The following ARHGEF7 variants were observed in gnomAD, a reference collection of about 807,000 sequenced individuals.
The protein encoded by ARHGEF7 is Rho guanine nucleotide exchange factor 7, also known as PAK-interacting exchange factor beta.
ARHGEF7 carries 33 observed loss-of-function variants against 109.8 expected under a neutral mutation model. The ratio of observed to expected loss-of-function variants is 0.30; its 90% CI spans 0.23 to 0.40. The LOEUF (loss-of-function observed/expected upper bound fraction) is 0.40. Ranked by LOEUF, ARHGEF7 falls within the 10% of genes least tolerant of loss-of-function variation. The probability of loss-of-function intolerance (pLI) is 1.00; values close to 1 mark genes in which losing one functional copy is unlikely to be tolerated. For missense variants in ARHGEF7, 938 were observed against 1,098.5 expected (o/e 0.85, Z 2.07); for synonymous variants, 458 against 424.6 (o/e 1.08, Z -0.97).
At chr13:111,154,731 C>A (rs1431457407) in intron 2 of ARHGEF7, among the ~76,000 whole-genome samples, 5 of 152,112 alleles carry the variant, frequency 3.3e-5, no homozygotes. Flanking sequence ...TTTGCTATTG[C>A]GATTCTTCCT....
chr13:111,120,341 A>G (rs2067097243), intron 1 of ARHGEF7, among the ~76,000 whole-genome samples: 1 of 152,266 alleles, frequency 6.6e-6, no homozygotes, highest in South Asian at 2.1e-4. Context: ...ACACAGACAC[A>G]GGAGAGCACA....
chr13:111,280,553 G>C lies in ARHGEF7; in HGVS notation c.1601G>C (p.Arg534Pro). 1 of 1,606,522 alleles carries C rather than the reference G, an allele frequency of 6.2e-7. No homozygotes were observed. Among genetic ancestry groups the C allele is most frequent in the East Asian group, 2.2e-5 (1 of 44,820 alleles). ...TCTCCTATAGGGAGCATGATTGAGCGGATATTAGTGTCGTGCAACAACCAG... is the reference window on the plus strand; with the variant it reads ...TCTCCTATAGGGAGCATGATTGAGCCGATATTAGTGTCGTGCAACAACCAG... Reference protein sequence around the residue: ...AFEISGSMIERILVSCNNQQD... With the variant: ...AFEISGSMIEPILVSCNNQQD... Residue 534 changes from arginine to proline, a missense_variant, in exon 15 of 22, where the codon CGG (arginine) becomes CCG (proline). Transcript: ENST00000646102.
chr13:111,144,483 C>A (rs767734459), intron 1 of ARHGEF7: 2 of 152,278 alleles, frequency 1.3e-5, no homozygotes, highest in East Asian at 1.9e-4. Context: ...TCCAAGTTAG[C>A]TCCACTGACC....
At chr13:111,126,185 G>T (rs2153331457) in intron 1 of ARHGEF7, among the ~76,000 whole-genome samples, 1 of 152,296 alleles carries the variant, frequency 6.6e-6, no homozygotes, top group Admixed American at 6.5e-5. Flanking sequence ...AAGGATTTTT[G>T]TTTCTTTTGA....
chr13:111,296,598 T>G (rs756032191), intron 19 of ARHGEF7, among the ~76,000 whole-genome samples: 1 of 152,266 alleles, frequency 6.6e-6, no homozygotes, highest in Non-Finnish European at 1.5e-5. Context: ...CCAGCTGTTT[T>G]GTGTATGTGG....
chr13:111,295,857 A>T (rs574079264), intron 19 of ARHGEF7, among the ~76,000 whole-genome samples: 18 of 152,348 alleles, frequency 1.2e-4, no homozygotes, highest in African/African-American at 3.8e-4. Flanking sequence ...TTTAGAAAAG[A>T]TAATGAATTT....
At chr13:111,240,536 T>TTCCTCC (rs200010067) in intron 6 of ARHGEF7, among the ~76,000 whole-genome samples, 39 of 152,104 alleles carry the variant, frequency 2.6e-4, no homozygotes, top group Non-Finnish European at 5.1e-4. Context: ...TCAACACTCC[T>TTCCTCC]TCCTCCTCCT....
At chr13:111,237,999 A>C (rs958346532) in intron 6 of ARHGEF7, among the ~76,000 whole-genome samples, 1 of 152,216 alleles carries the variant, frequency 6.6e-6, no homozygotes, top group Non-Finnish European at 1.5e-5. Flanking sequence ...GGAACATGGC[A>C]GGCACACAGG....
In ARHGEF7 at chr13:111,239,083, C is replaced by T. The variant is rs2087296278; in HGVS notation, c.760-4789C>T. Among the ~76,000 whole-genome samples the T allele has an allele frequency of 6.6e-6, 1 of 152,116 alleles. No individual in the cohort carries two copies. The highest frequency in any genetic ancestry group is 2.4e-5 in the African/African-American group (1 of 41,422). ...ATAAAACCATCAGATCTTGTGAGAA[C>T]TCACCATGAGAACAGCATAGGGGAA... On this transcript the variant is annotated intron_variant, in intron 6 of 21. Transcript: ENST00000646102. This position sits in a 1 kb window ranked among gnomAD's most constrained non-coding sequence, Gnocchi z 4.3.
At chr13:111,253,427 C>G (rs2090030537) in intron 8 of ARHGEF7, among the ~76,000 whole-genome samples, 1 of 152,170 alleles carries the variant, frequency 6.6e-6, no homozygotes, top group Admixed American at 6.5e-5. Context: ...CTCAGAAGCC[C>G]TCTTATGGAA....
chr13:111,188,775 T>C (rs1016661135), intron 2 of ARHGEF7, among the ~76,000 whole-genome samples: 27 of 152,358 alleles, frequency 1.8e-4, no homozygotes, highest in Admixed American at 5.9e-4. Context: ...ACTTTTATCA[T>C]GTTGTGTTAA....
chr13:111,259,449 G>A (rs1461823799), intron 8 of ARHGEF7, among the ~76,000 whole-genome samples: 1 of 152,204 alleles, frequency 6.6e-6, no homozygotes, highest in Non-Finnish European at 1.5e-5. Flanking sequence ...AGAGAGCAAA[G>A]AGTCTCTGCC....
intron 1 of ARHGEF7, among the ~76,000 whole-genome samples, chr13:111,150,784 C>A (rs1000003352): frequency 6.6e-6 from 1 of 152,056 alleles, no homozygotes; most frequent in Non-Finnish European, 1.5e-5. Context: ...AGGGGCTGGA[C>A]GAGAGATGTA....
chr13:111,218,047 G>T (rs531616530), intron 5 of ARHGEF7, among the ~76,000 whole-genome samples, 167 bp downstream of exon 5: 5 of 152,340 alleles, frequency 3.3e-5, no homozygotes, highest in African/African-American at 9.6e-5. Flanking sequence ...CCACATTGGG[G>T]CCCTGGCATC....
At chr13:111,227,421 A>G (rs2085358193) in intron 5 of ARHGEF7, among the ~76,000 whole-genome samples, 1 of 152,244 alleles carries the variant, frequency 6.6e-6, no homozygotes, top group African/African-American at 2.4e-5. Context: ...GTCAGCAGCC[A>G]TCCATATCAA....
At position 111,272,119 on chromosome 13, in the gene ARHGEF7, G is replaced by A. The variant is rs77192208; in HGVS notation, c.1074-1695G>A. Among the ~76,000 whole-genome samples the A allele has an allele frequency of 0.01, 1,573 of 152,316 alleles. 24 individuals carry two copies. The highest frequency in any genetic ancestry group is 0.017 in the Non-Finnish European group (1,130 of 68,026). ...TGGTTTTCAGCATGGTGTTTGAATC[G>A]GTTTCATTGGAGGACATTCTCCCTG... On this transcript the variant is annotated intron_variant, in intron 9 of 21. Transcript: ENST00000646102. This position sits in a 1 kb window ranked among gnomAD's most constrained non-coding sequence, Gnocchi z 5.2.
rs78877759 is a variant in ARHGEF7 at position 111,149,804 on chromosome 13, A to G, written c.166-4101A>G. Among the ~76,000 whole-genome samples, 221 of 152,348 alleles carry G rather than the reference A, an allele frequency of 1.5e-3. No individual in the cohort carries two copies. The East Asian group carries it at 0.018, about 12-fold the overall frequency. ...TCACATAACACGGAATACTGTGAAC[A>G]TGCTTTATACTGTATAGCACAGTAA... On this transcript the variant is annotated intron_variant, in intron 1 of 21. Coordinates refer to ENST00000646102, the MANE Select transcript of ARHGEF7 (RefSeq NM_001354046.2).
rs941482293 is a variant in ARHGEF7, at chr13:111,166,377, T to C, written c.252+12386T>C. On this transcript the variant is annotated intron_variant, in intron 2 of 21. Coordinates refer to ENST00000646102, the MANE Select transcript of ARHGEF7 (RefSeq NM_001354046.2). ...GTGATATGGAGCCTCTGAGGGTGTT[T>C]GGGCAGAGGGGAGAAGGGATGTGAT... Among the ~76,000 whole-genome samples the C allele has an allele frequency of 3.9e-5, 6 of 152,250 alleles. No homozygotes were observed. In the East Asian group the frequency reaches 1.2e-3, roughly 29 times the overall value.
At chr13:111,252,327 TTAAGA>T (rs1351546451) in intron 8 of ARHGEF7, among the ~76,000 whole-genome samples, 2 of 152,178 alleles carry the variant, frequency 1.3e-5, no homozygotes, top group Non-Finnish European at 2.9e-5. Flanking sequence ...CTGCCTCTAG[TTAAGA>T]TAAGATAGTG....
Sources: allele counts gnomAD v4.1 joint callset (sites outside exome capture counted in the v4.1 genomes callset), GRCh38; gene constraint gnomAD v4.1.1; non-coding constraint Gnocchi (gnomAD v3.1); transcripts MANE v1.5; gene names NCBI Gene and HGNC (gene_info 2026-07-23, HGNC 2026-07-21).